Variants in COBLL1 observed in about 807,000 individuals in gnomAD.
COBLL1 encodes cordon-bleu WH2 repeat protein like 1.
A neutral mutation model predicts 94.8 loss-of-function variants in COBLL1; 50 were observed. The ratio of observed to expected loss-of-function variants is 0.53; its 90% confidence interval spans 0.42 to 0.67. The LOEUF (loss-of-function observed/expected upper bound fraction) is 0.67. Among genes scored for constraint, COBLL1 ranks in the 30% least tolerant of loss-of-function variants. The pLI, the probability that COBLL1 is intolerant of heterozygous loss-of-function variation, is 0.00. For synonymous variants in COBLL1, 448 were observed against 473.8 expected, an observed-to-expected ratio of 0.95 and a Z score of 0.71; for missense variants, 1,362 against 1,348.7, an observed-to-expected ratio of 1.01 and a Z score of -0.15.
At chr2:164,817,361 T>TAAAAAAAAA (rs10599487) in intron 2 of COBLL1, among the ~76,000 whole-genome samples, 4 of 116,444 alleles carry the variant, frequency 3.4e-5, no homozygotes, top group African/African-American at 3.2e-5. Flanking sequence ...TGGTATATAT[T>TAAAAAAAAA]AAAAAAAAAA....
intron 2 of COBLL1, among the ~76,000 whole-genome samples, chr2:164,818,275 T>G (rs527689575): frequency 6.7e-6 from 1 of 148,614 alleles, no homozygotes; most frequent in African/African-American, 2.5e-5. Flanking sequence ...CACGTATGTA[T>G]GTATACATAT....
rs145138927 is a variant in COBLL1, at chr2:164,659,228, G to A, written n.182-5314C>T. ...CTGAGCACTAGTTCCTGGAGTGAGG[G>A]GATTACTTTAAAGTATTCCATTATC... On this transcript the variant is annotated intron_variant and non_coding_transcript_variant, in intron 2 of 2. Coordinates refer to the COBLL1 transcript ENST00000495084. 2.6e-5 allele frequency among the ~76,000 whole-genome samples: 4 copies of A among 152,154 alleles called. No homozygotes were observed. In the East Asian group the frequency reaches 7.7e-4, roughly 29 times the overall value.
At chr2:164,756,014 G>A (rs1687381602) in intron 2 of COBLL1, among the ~76,000 whole-genome samples, 2 of 150,656 alleles carry the variant, frequency 1.3e-5, no homozygotes, top group African/African-American at 4.9e-5. Context: ...ACATACAAAT[G>A]TGTGAGTATA....
chr2:164,818,271 T>C (rs565327808), intron 2 of COBLL1, among the ~76,000 whole-genome samples: 2 of 103,052 alleles, frequency 1.9e-5, no homozygotes, highest in East Asian at 4.7e-4. Flanking sequence ...TATACACGTA[T>C]GTATGTATAC....
intron 2 of COBLL1, among the ~76,000 whole-genome samples, chr2:164,811,402 T>C (rs1176062148): frequency 6.6e-6 from 1 of 151,948 alleles, no homozygotes; most frequent in African/African-American, 2.4e-5. Flanking sequence ...TTAAAAATTG[T>C]AAAGCACTGT....
chr2:164,705,191 A>C (rs1240585815), intron 7 of COBLL1, 86 bp from the exon 8 acceptor site: 1 of 1,042,054 alleles, frequency 9.6e-7, no homozygotes. Context: ...CGTCAAGCAC[A>C]GGATATATCC....
intron 7 of COBLL1, among the ~76,000 whole-genome samples, chr2:164,707,416 C>T (rs1401179912): frequency 6.6e-6 from 1 of 152,192 alleles, no homozygotes; most frequent in Non-Finnish European, 1.5e-5. Flanking sequence ...GATGGGATTA[C>T]AGGCATGAGC....
At chr2:164,717,679 G>T (rs1685237344) in intron 7 of COBLL1, among the ~76,000 whole-genome samples, 1 of 152,156 alleles carries the variant, frequency 6.6e-6, no homozygotes, top group African/African-American at 2.4e-5. Flanking sequence ...TCAGCCTCCT[G>T]AGTAGCTGGG....
chr2:164,729,891 A>C, intron 4 of COBLL1, 23 bp downstream of exon 4: 2 of 1,587,156 alleles, frequency 1.3e-6, no homozygotes, highest in Non-Finnish European at 1.7e-6. Flanking sequence ...ATAAGACATC[A>C]AAATATATAA....
At chr2:164,824,020 CTATAA>C (rs1444140792) in intron 2 of COBLL1, among the ~76,000 whole-genome samples, 2 of 151,918 alleles carry the variant, frequency 1.3e-5, no homozygotes. Context: ...TTAAAATAGC[CTATAA>C]TATAATCCTG....
At chr2:164,723,045 A>G (rs1315708688) in intron 5 of COBLL1, 1 of 152,226 alleles carries the variant, frequency 6.6e-6, no homozygotes, top group Admixed American at 6.5e-5. Context: ...AACTGGGACC[A>G]ATTTTGTCCC....
downstream of COBLL1, among the ~76,000 whole-genome samples, chr2:164,677,154 T>C (rs1169474978): frequency 6.6e-6 from 1 of 152,222 alleles, no homozygotes; most frequent in South Asian, 2.1e-4. Context: ...ATTTTATATG[T>C]TGCCTTCTGT....
intron 11 of COBLL1, chr2:164,696,526 T>A (rs959699480): frequency 2.6e-5 from 4 of 152,190 alleles, no homozygotes; most frequent in African/African-American, 7.2e-5. Context: ...TCAGTCATAA[T>A]GGTTTTGATT....
intron 2 of COBLL1, among the ~76,000 whole-genome samples, chr2:164,825,136 AC>A (rs1218771086): frequency 3.3e-5 from 5 of 152,200 alleles, no homozygotes; most frequent in Non-Finnish European, 5.9e-5. Context: ...TTAGCACAGT[AC>A]CTGGTGAATC....
intron 2 of COBLL1, among the ~76,000 whole-genome samples, chr2:164,786,226 A>G (rs1688949174): frequency 6.6e-6 from 1 of 152,234 alleles, no homozygotes; most frequent in Non-Finnish European, 1.5e-5. Context: ...TATTCCACAC[A>G]GTACTTTGAT....
intron 2 of COBLL1, among the ~76,000 whole-genome samples, chr2:164,806,792 C>T (rs180696513): frequency 5.1e-4 from 77 of 152,246 alleles, no homozygotes; most frequent in Non-Finnish European, 7.4e-5. Context: ...CTCTACCTCT[C>T]GAGTTCAAGC....
At chr2:164,665,221 C>T (rs181261726) in intron 2 of COBLL1, among the ~76,000 whole-genome samples, 261 of 151,738 alleles carry the variant, frequency 1.7e-3, no homozygotes, top group Admixed American at 3.5e-3. Context: ...ATTCCAGCTA[C>T]TCAGGAGGCT....
chr2:164,829,170 C>T (rs897448636), intron 2 of COBLL1, among the ~76,000 whole-genome samples: 8 of 152,160 alleles, frequency 5.3e-5, no homozygotes, highest in African/African-American at 1.9e-4. Flanking sequence ...CCCCCACAAT[C>T]AGATATGGTA....
At chr2:164,769,166 AAAAAATCTC>A (rs781187211) in intron 2 of COBLL1, among the ~76,000 whole-genome samples, 19 of 152,178 alleles carry the variant, frequency 1.2e-4, no homozygotes, top group Non-Finnish European at 8.8e-5. Context: ...AATTTTGAAA[AAAAAATCTC>A]GTTTCTTAAA....
Sources: allele counts gnomAD v4.1 joint callset (sites outside exome capture counted in the v4.1 genomes callset), GRCh38; gene constraint gnomAD v4.1.1; transcripts MANE v1.5; gene names NCBI Gene and HGNC (gene_info 2026-07-23, HGNC 2026-07-21).